PCDHGA4: variants seen among roughly 807,000 people sequenced by gnomAD.
The protein encoded by PCDHGA4 is protocadherin gamma subfamily A, 4, also known as protocadherin gamma-A4.
A neutral mutation model predicts 54.6 loss-of-function variants in PCDHGA4; 38 were observed. The ratio of observed to expected loss-of-function variants is 0.70; its 90% confidence interval spans 0.54 to 0.91. The LOEUF (loss-of-function observed/expected upper bound fraction) is 0.91. Among genes scored for constraint, PCDHGA4 ranks in the 40% least tolerant of loss-of-function variants. The probability of loss-of-function intolerance (pLI) is 0.00; values close to 1 mark genes in which losing one functional copy is unlikely to be tolerated. For synonymous variants in PCDHGA4, 511 were observed against 512.9 expected (o/e 1.00, Z 0.05); for missense variants, 1,298 against 1,220.9 (o/e 1.06, Z -0.94).
chr5:141,361,828 C>T, intron 1 of PCDHGA4: 1 of 1,613,014 alleles, frequency 6.2e-7, no homozygotes, highest in Non-Finnish European at 8.5e-7. Flanking sequence ...GGTGCTGTAC[C>T]CCGCGCTGGG....
chr5:141,374,903 C>T, intron 1 of PCDHGA4: 5 of 1,613,798 alleles, frequency 3.1e-6, no homozygotes, highest in Non-Finnish European at 4.2e-6. Flanking sequence ...TGAAGGAGTC[C>T]ACGGGGAAGT....
intron 1 of PCDHGA4, chr5:141,370,293 C>A: frequency 9.3e-7 from 1 of 1,074,278 alleles, no homozygotes; most frequent in Non-Finnish European, 1.3e-6. Flanking sequence ...AGAACCCAAG[C>A]ACAAAGACAA....
chr5:141,478,465 C>T (rs768021356), intron 1 of PCDHGA4: 6 of 1,613,730 alleles, frequency 3.7e-6, no homozygotes, highest in Non-Finnish European at 5.1e-6. Context: ...GTCCACTGGC[C>T]AGCCGCCAGA....
At position 141,355,238 on chromosome 5, in the gene PCDHGA4, T is replaced by G; in HGVS notation, c.131T>G (p.Leu44Arg). 1 of 1,612,564 alleles carries G rather than the reference T, an allele frequency of 6.2e-7. No homozygotes were observed. Among genetic ancestry groups the G allele is most frequent in the Non-Finnish European group, 8.5e-7 (1 of 1,179,466 alleles). Reference sequence around the variant, plus strand: ...CCTGCTCGCCCAGACCACACCCGGCTGCTCCAGATCTGCCTTCTCCTGGGG... The same window carrying G: ...CCTGCTCGCCCAGACCACACCCGGCGGCTCCAGATCTGCCTTCTCCTGGGG... The part of the protein sequence containing the change: ...APPARPDHTR[L>R]LQICLLLGVL... The change falls in exon 1 of 4, where the codon CTG becomes CGG. Residue 44 changes from leucine (L) to arginine (R), a missense_variant. By Grantham distance (102) the Leu-to-Arg change is moderately radical. Coordinates refer to ENST00000571252, the MANE Select transcript of PCDHGA4 (RefSeq NM_018917.4).
At chr5:141,382,798 A>C in intron 1 of PCDHGA4, 2 of 1,017,066 alleles carry the variant, frequency 2.0e-6, no homozygotes, top group Admixed American at 2.4e-5. Context: ...ATCCTGCTGG[A>C]TTCTGAGCTC....
chr5:141,361,982 T>G (rs756919510), intron 1 of PCDHGA4: 7 of 1,601,420 alleles, frequency 4.4e-6, no homozygotes, highest in Non-Finnish European at 6.0e-6. Context: ...GAGCCCGGGC[T>G]CTTCAGCCTG....
At chr5:141,387,099 T>C (rs997819435) in intron 1 of PCDHGA4, among the ~76,000 whole-genome samples, 3 of 152,210 alleles carry the variant, frequency 2.0e-5, no homozygotes, top group Admixed American at 1.3e-4. Context: ...GAAATGAGAA[T>C]CACATAATAT....
Position 141,490,924 on chromosome 5 carries a change from C to A in PCDHGA4, c.2515-3883C>A. 1 of 1,613,680 alleles carries A rather than the reference C, an allele frequency of 6.2e-7. No individual in the cohort carries two copies. Among genetic ancestry groups the A allele is most frequent in the Non-Finnish European group, 8.5e-7 (1 of 1,179,694 alleles). On this transcript the variant is annotated intron_variant, in intron 1 of 3. Coordinates refer to ENST00000571252, the MANE Select transcript of PCDHGA4 (RefSeq NM_018917.4). The surrounding 1 kb of genome is among the most constrained non-coding windows in gnomAD (Gnocchi z 5.4). ...TGTCCTAGACGAGAATGATAATGCC[C>A]CAGCTGTGCTGCACCCACGGCCAGA...
At chr5:141,475,543 G>A (rs1161883598) in intron 1 of PCDHGA4, among the ~76,000 whole-genome samples, 1 of 152,196 alleles carries the variant, frequency 6.6e-6, no homozygotes, top group African/African-American at 2.4e-5. Flanking sequence ...TACAAGTAGG[G>A]TCCGGCTAAT....
chr5:141,383,705 T>C lies in PCDHGA4; in HGVS notation c.2514+26084T>C, dbSNP rs765563941. The C allele has an allele frequency of 5.0e-6, 8 of 1,614,020 alleles. No individual in the cohort carries two copies. In the South Asian group the frequency reaches 8.8e-5, roughly 18 times the overall value. ...CTGCTCACGGTACATGCTATCGACC[T>C]GGACGAGGGAGTCAATGGGGAAGTG... On this transcript the variant is annotated intron_variant, in intron 1 of 3. Transcript: ENST00000571252.
chr5:141,483,946 T>C (rs374723616), intron 1 of PCDHGA4, among the ~76,000 whole-genome samples: 127 of 148,696 alleles, frequency 8.5e-4, no homozygotes, highest in Non-Finnish European at 1.5e-3. Flanking sequence ...ACGGTGTGAA[T>C]TGTGTTGTGT....
intron 2 of PCDHGA4, among the ~76,000 whole-genome samples, chr5:141,498,944 A>G (rs1249475504): frequency 7.2e-6 from 1 of 139,096 alleles, no homozygotes; most frequent in Non-Finnish European, 1.6e-5. Flanking sequence ...AAAGAAAGAA[A>G]GAAAAAGAGA....
At chr5:141,364,448 G>A in intron 1 of PCDHGA4, 1 of 1,613,978 alleles carries the variant, frequency 6.2e-7, no homozygotes, top group Non-Finnish European at 8.5e-7. Flanking sequence ...GGAGGAGCTG[G>A]ACAAAGGCTC....
chr5:141,422,344 C>G, intron 1 of PCDHGA4: 1 of 1,550,890 alleles, frequency 6.4e-7, no homozygotes, highest in Non-Finnish European at 8.7e-7. Flanking sequence ...TCTAAATGTG[C>G]AAGATCAAGA....
At position 141,431,118 on chromosome 5, in the gene PCDHGA4, A is replaced by C; in HGVS notation, c.2515-63689A>C. On this transcript the variant is annotated intron_variant, in intron 1 of 3. Coordinates refer to ENST00000571252, the MANE Select transcript of PCDHGA4 (RefSeq NM_018917.4). The surrounding 1 kb of genome is among the most constrained non-coding windows in gnomAD (Gnocchi z 4.8). ...GATAAAGTGAAAATATATGGAGTAG[A>C]AGTAGAAGTAAGGGACATTAACGAC... 6.2e-7 allele frequency: 1 copy of C among 1,614,182 alleles called. No individual in the cohort carries two copies. Among genetic ancestry groups the C allele is most frequent in the Non-Finnish European group, 8.5e-7 (1 of 1,179,974 alleles).
At chr5:141,379,087 A>G (rs1464802506) in intron 1 of PCDHGA4, 1 of 152,222 alleles carries the variant, frequency 6.6e-6, no homozygotes, top group Non-Finnish European at 1.5e-5. Flanking sequence ...TTTGTTATGA[A>G]TGTGTAAGAA....
At chr5:141,365,388 C>G in intron 1 of PCDHGA4, 1 of 1,613,966 alleles carries the variant, frequency 6.2e-7, no homozygotes, top group South Asian at 1.1e-5. Context: ...ACCTCTCTGA[C>G]CAGTTCGATC....
rs747671382 is a variant in PCDHGA4 at position 141,444,152 on chromosome 5, ATTTTTTTTTTTTTTTTTTTT to A, written c.2515-50638_2515-50619del. ...GATATGTGTCACTTGTGTGTACTGG[ATTTTTTTTTTTTTTTTTTTT>A]TTTTTTTTTTTTTTTTGAGATGGAG... On this transcript the variant is annotated intron_variant, in intron 1 of 3. Transcript: ENST00000571252. 2.4e-4 allele frequency among the ~76,000 whole-genome samples: 8 copies of A among 33,898 alleles called. No homozygotes were observed. In the East Asian group the frequency reaches 3.0e-3, roughly 13 times the overall value. 22.2% of individuals were successfully genotyped at this position (33,898 alleles called of 152,430 possible). A position where few individuals can be genotyped will look rare whatever the true frequency, so the allele number is the denominator to read the frequency against.
intron 1 of PCDHGA4, chr5:141,394,616 C>G: frequency 6.2e-7 from 1 of 1,613,490 alleles, no homozygotes; most frequent in Non-Finnish European, 8.5e-7. Flanking sequence ...CGGGCCAGAA[C>G]GCCTGGCTGT....
Sources: gnomAD v4.1 joint callset for allele counts (sites outside exome capture counted in the v4.1 genomes callset) on GRCh38, gnomAD v4.1.1 for gene constraint, Gnocchi (gnomAD v3.1) non-coding constraint, MANE v1.5 for transcripts, NCBI Gene and HGNC (gene_info 2026-07-23, HGNC 2026-07-21) for gene names.